Variants in GRIA4 observed in about 807,000 individuals in gnomAD.
The protein encoded by GRIA4 is glutamate ionotropic receptor AMPA type subunit 4.
In GRIA4, 34 loss-of-function variants were observed where a neutral mutation model predicts 104.0. That is an observed-to-expected ratio of 0.33 (90% CI 0.25 to 0.44). The LOEUF is 0.44. Ranked by LOEUF, GRIA4 falls within the 20% of genes least tolerant of loss-of-function variation. The pLI, the probability that GRIA4 is intolerant of heterozygous loss-of-function variation, is 1.00. For synonymous variants in GRIA4, 386 were observed against 381.9 expected (o/e 1.01, Z -0.13); for missense variants, 750 against 1,096.5 (o/e 0.68, Z 4.46).
chr11:105,787,139 T>C (rs1942003450), intron 4 of GRIA4, among the ~76,000 whole-genome samples: 1 of 152,210 alleles, frequency 6.6e-6, no homozygotes, highest in Non-Finnish European at 1.5e-5. Flanking sequence ...CTGATCTCTG[T>C]TCCAGTTCAG....
chr11:105,740,057 AT>A (rs2135647793), intron 3 of GRIA4, among the ~76,000 whole-genome samples: 1 of 152,300 alleles, frequency 6.6e-6, no homozygotes, highest in Non-Finnish European at 1.5e-5. Context: ...GCTAGCAAAA[AT>A]TAAATGTATG....
intron 4 of GRIA4, among the ~76,000 whole-genome samples, chr11:105,783,790 G>C (rs1222604805): frequency 6.7e-6 from 1 of 150,242 alleles, no homozygotes; most frequent in Non-Finnish European, 1.5e-5. Flanking sequence ...GTGTGTGTAT[G>C]TGTATGAGTA....
intron 4 of GRIA4, among the ~76,000 whole-genome samples, chr11:105,797,253 G>A (rs1176799938): frequency 6.6e-6 from 1 of 151,976 alleles, no homozygotes; most frequent in Non-Finnish European, 1.5e-5. Flanking sequence ...AAGAAAAAAA[G>A]GAAATAGTAT....
chr11:105,708,361 T>C (rs1953784054), intron 3 of GRIA4, among the ~76,000 whole-genome samples: 2 of 152,084 alleles, frequency 1.3e-5, no homozygotes, highest in South Asian at 4.1e-4. Flanking sequence ...GATACTTCTT[T>C]CAGTATACTT....
chr11:105,791,551 T>A (rs1942215072), intron 4 of GRIA4, among the ~76,000 whole-genome samples: 1 of 152,166 alleles, frequency 6.6e-6, no homozygotes, highest in African/African-American at 2.4e-5. Context: ...TTGTTTCTCT[T>A]ACCAGTTTCT....
intron 3 of GRIA4, among the ~76,000 whole-genome samples, chr11:105,686,224 A>C (rs924452174): frequency 1.3e-5 from 2 of 152,104 alleles, no homozygotes; most frequent in South Asian, 4.1e-4. Flanking sequence ...GTCTCCCTCC[A>C]TCTCTCCCTT....
intron 3 of GRIA4, among the ~76,000 whole-genome samples, chr11:105,734,211 C>T (rs1053493257): frequency 6.6e-6 from 1 of 151,646 alleles, no homozygotes. Flanking sequence ...CTCACTAAAC[C>T]TCCCACAGTT....
intron 4 of GRIA4, among the ~76,000 whole-genome samples, chr11:105,760,755 T>C (rs1591208370): frequency 6.6e-6 from 1 of 152,094 alleles, no homozygotes; most frequent in African/African-American, 2.4e-5. Flanking sequence ...TTCTATCATG[T>C]TTGTTAAGGT....
rs532707283 is a variant in GRIA4 at position 105,958,937 on chromosome 11, C to T, written c.2295-12977C>T. Among the ~76,000 whole-genome samples, 3 of 152,196 alleles carry T rather than the reference C, an allele frequency of 2.0e-5. No homozygotes were observed. In the South Asian group the frequency reaches 6.2e-4, roughly 32 times the overall value. On this transcript the variant is annotated intron_variant, in intron 14 of 16. Transcript: ENST00000282499. ...TCCTTTAAGAATGTTAAATATTGAC[C>T]CCCAATCTATTCTAGCTTGTAGAGT...
chr11:105,654,076 G>T (rs1385911802), intron 3 of GRIA4, among the ~76,000 whole-genome samples: 1 of 147,984 alleles, frequency 6.8e-6, no homozygotes, highest in Non-Finnish European at 1.5e-5. Context: ...TGACAACATG[G>T]ATGAACCTGG....
intron 3 of GRIA4, among the ~76,000 whole-genome samples, chr11:105,647,959 A>AAAATAAAT (rs57841251): frequency 0.48 from 71,398 of 147,610 alleles, 17,556 homozygotes; most frequent in Admixed American, 0.58. Flanking sequence ...CCCCTGTATG[A>AAAATAAAT]AAATAAATAA....
chr11:105,759,559 T>C (rs889754824), intron 4 of GRIA4, among the ~76,000 whole-genome samples: 1 of 151,974 alleles, frequency 6.6e-6, no homozygotes, highest in Non-Finnish European at 1.5e-5. Context: ...TAAAAGATGC[T>C]CCACAATCTG....
At chr11:105,834,159 C>G (rs921829046) in intron 4 of GRIA4, among the ~76,000 whole-genome samples, 1 of 152,020 alleles carries the variant, frequency 6.6e-6, no homozygotes, top group Non-Finnish European at 1.5e-5. Context: ...GGAGCTGACA[C>G]AGTTCCAGAA....
chr11:105,717,692 TTCTC>T (rs1184393936), intron 3 of GRIA4, among the ~76,000 whole-genome samples: 1 of 151,902 alleles, frequency 6.6e-6, no homozygotes, highest in African/African-American at 2.4e-5. Context: ...ACAGCCTTTG[TTCTC>T]TCTTTTTTCT....
At position 105,753,083 on chromosome 11, in the gene GRIA4, T is replaced by C; in HGVS notation, c.350T>C (p.Leu117Pro). The change falls in exon 4 of 17, where the codon CTC becomes CCC. Residue 117 changes from leucine (L) to proline (P), a missense_variant. By Grantham distance (98) the Leu-to-Pro change is moderately conservative. Coordinates refer to ENST00000282499, the MANE Select transcript of GRIA4 (RefSeq NM_000829.4). ...TTCTGCAGCGCCTTACATATCTCCCTCATCACACCAAGTTTCCCTACTGAG... is the reference window on the plus strand; with the variant it reads ...TTCTGCAGCGCCTTACATATCTCCCCCATCACACCAAGTTTCCCTACTGAG... ...TSFCSALHIS[L>P]ITPSFPTEGE... is the part of the protein sequence containing the mutation. The C allele has an allele frequency of 1.2e-6, 2 of 1,613,862 alleles. No homozygotes were observed. Among genetic ancestry groups the C allele is most frequent in the Non-Finnish European group, 1.7e-6 (2 of 1,179,870 alleles).
chr11:105,847,998 T>TA (rs1010811225), intron 4 of GRIA4, among the ~76,000 whole-genome samples: 3 of 152,240 alleles, frequency 2.0e-5, no homozygotes, highest in African/African-American at 7.2e-5. Flanking sequence ...TTAACCAATT[T>TA]AATTTTGGAT....
At chr11:105,844,270 C>T (rs933368876) in intron 4 of GRIA4, among the ~76,000 whole-genome samples, 1 of 152,168 alleles carries the variant, frequency 6.6e-6, no homozygotes, top group African/African-American at 2.4e-5. Context: ...ATACAAGTCA[C>T]CTTCAGACAT....
At chr11:105,849,872 C>T (rs990632060) in intron 4 of GRIA4, among the ~76,000 whole-genome samples, 1 of 152,020 alleles carries the variant, frequency 6.6e-6, no homozygotes, top group Non-Finnish European at 1.5e-5. Context: ...GTTTTTTAAG[C>T]CAAATTTATT....
chr11:105,786,136 C>T (rs1281073742), intron 4 of GRIA4, among the ~76,000 whole-genome samples: 1 of 126,562 alleles, frequency 7.9e-6, no homozygotes, highest in African/African-American at 3.1e-5. Flanking sequence ...CACAGTGAGA[C>T]CCTTTCTCAA....
Sources: allele counts gnomAD v4.1 joint callset (sites outside exome capture counted in the v4.1 genomes callset), GRCh38; gene constraint gnomAD v4.1.1; transcripts MANE v1.5; gene names NCBI Gene and HGNC (gene_info 2026-07-23, HGNC 2026-07-21).